The following INVS variants were observed in gnomAD, a reference collection of about 807,000 sequenced individuals.
INVS encodes the protein inversin, also known as inversion of embryo turning homolog.
INVS carries 86 observed loss-of-function variants against 108.8 expected under a neutral mutation model. The ratio of observed to expected loss-of-function variants is 0.79; its 90% CI spans 0.66 to 0.95. The LOEUF (loss-of-function observed/expected upper bound fraction) is 0.95, where lower values mean the gene tolerates loss of function less well. INVS is among the 40% of genes least tolerant of loss of function. INVS has a pLI of 0.00. For synonymous variants in INVS, 455 were observed against 473.5 expected (o/e 0.96, Z 0.51); for missense variants, 1,169 against 1,297.4 (o/e 0.90, Z 1.52).
chr9:100,103,054 T>C (rs1016355777), intron 1 of INVS, among the ~76,000 whole-genome samples: 3 of 152,208 alleles, frequency 2.0e-5, no homozygotes, highest in Non-Finnish European at 4.4e-5. Flanking sequence ...AGTTTCGCCA[T>C]GTTGGCCACG....
intron 2 of INVS, chr9:100,117,265 C>T: frequency 1.3e-6 from 1 of 765,144 alleles, no homozygotes; most frequent in South Asian, 1.5e-5. Context: ...ACGCTTTGAA[C>T]CTGGTGCTCT....
intron 3 of INVS, among the ~76,000 whole-genome samples, chr9:100,148,021 A>C (rs1340452546): frequency 2.3e-5 from 2 of 88,854 alleles, no homozygotes; most frequent in South Asian, 2.5e-4. Flanking sequence ...CTGTCTCTAC[A>C]AAAAAAAAAA....
intron 3 of INVS, among the ~76,000 whole-genome samples, chr9:100,156,477 G>T (rs554487154): frequency 6.6e-6 from 1 of 151,722 alleles, no homozygotes; most frequent in East Asian, 1.9e-4. Flanking sequence ...TGCCCAAAGT[G>T]GTCTCTAATT....
chr9:100,187,645 G>A (rs1830094838), intron 3 of INVS, among the ~76,000 whole-genome samples: 1 of 149,980 alleles, frequency 6.7e-6, no homozygotes, highest in Non-Finnish European at 1.5e-5. Flanking sequence ...TCCTGCCTCA[G>A]CCTCCTGAGT....
intron 3 of INVS, chr9:100,131,771 C>A (rs1312399647): frequency 1.0e-5 from 3 of 290,840 alleles, no homozygotes; most frequent in Non-Finnish European, 1.5e-5. Context: ...ACAGTAAACA[C>A]AAAAATTAAA....
chr9:100,179,955 C>A (rs988758296), intron 3 of INVS, among the ~76,000 whole-genome samples: 3 of 152,170 alleles, frequency 2.0e-5, no homozygotes, highest in Non-Finnish European at 4.4e-5. Context: ...GACCACAGTG[C>A]AATCAAATTG....
At chr9:100,226,372 A>C (rs1831321940) in intron 4 of INVS, 137 bp downstream of exon 4, 8 of 689,442 alleles carry the variant, frequency 1.2e-5, no homozygotes, top group Non-Finnish European at 1.9e-5. Context: ...CATACATCTC[A>C]GGGAAGTATT....
At chr9:100,100,851 ATG>A (rs1826896870) in intron 1 of INVS, among the ~76,000 whole-genome samples, 1 of 20,616 alleles carries the variant, frequency 4.9e-5, no homozygotes, top group Non-Finnish European at 7.8e-5. Context: ...TATATAATAT[ATG>A]TATATATAAT....
intron 5 of INVS, among the ~76,000 whole-genome samples, chr9:100,233,668 A>G (rs2118454798): frequency 6.6e-6 from 1 of 152,316 alleles, no homozygotes; most frequent in South Asian, 2.1e-4. Flanking sequence ...GTGATGGATT[A>G]CATTTATTGA....
intron 13 of INVS, 79 bp from the exon 14 acceptor site, chr9:100,292,247 G>A: frequency 1.6e-6 from 2 of 1,281,368 alleles, no homozygotes; most frequent in Non-Finnish European, 1.1e-6. Flanking sequence ...GGCTAAGTCT[G>A]AATATTTTAT....
intron 3 of INVS, among the ~76,000 whole-genome samples, chr9:100,138,216 G>A (rs1828295311): frequency 6.6e-6 from 1 of 152,038 alleles, no homozygotes; most frequent in Non-Finnish European, 1.5e-5. Context: ...GACCAGCCTG[G>A]CCAATGTGGT....
intron 8 of INVS, among the ~76,000 whole-genome samples, chr9:100,250,977 A>G (rs1251064375): frequency 6.6e-6 from 1 of 151,880 alleles, no homozygotes; most frequent in Non-Finnish European, 1.5e-5. Context: ...GTCCTGTACT[A>G]ACTCTTCCCT....
chr9:100,215,629 A>G (rs1409855443), intron 3 of INVS: 5 of 152,240 alleles, frequency 3.3e-5, no homozygotes, highest in Non-Finnish European at 7.3e-5. Context: ...ATTGTTAGGC[A>G]TATCATGGTC....
intron 3 of INVS, among the ~76,000 whole-genome samples, chr9:100,221,807 A>C (rs977498724): frequency 1.3e-5 from 2 of 152,214 alleles, no homozygotes; most frequent in African/African-American, 4.8e-5. Context: ...TGAGAGAGAG[A>C]GACCACATTC....
intron 3 of INVS, among the ~76,000 whole-genome samples, chr9:100,170,888 A>G (rs1280793395): frequency 6.6e-6 from 1 of 152,208 alleles, no homozygotes; most frequent in Non-Finnish European, 1.5e-5. Context: ...GACAAGCTAA[A>G]TGGGTAATGA....
At position 100,292,531 on chromosome 9, in the gene INVS, G is replaced by C. The variant is rs774899621; in HGVS notation, c.2274G>C (p.Glu758Asp). The C allele has an allele frequency of 1.9e-6, 3 of 1,614,210 alleles. No individual in the cohort carries two copies. In the South Asian group the frequency reaches 3.3e-5, roughly 18 times the overall value. ...IRVAGPDEKG[E>D]DSRRAAASLP... Reference sequence around the variant, plus strand: ...TGGCTGGGCCTGATGAGAAAGGAGAGGACTCCAGGCGGGCAGCTGCAAGCC... The same window carrying C: ...TGGCTGGGCCTGATGAGAAAGGAGACGACTCCAGGCGGGCAGCTGCAAGCC... Residue 758 changes from glutamate to aspartate, a missense_variant, in exon 14 of 17, where the codon GAG becomes GAC. Physicochemically the swap from Glu to Asp is conservative, Grantham distance 45. Transcript: ENST00000262457.
Position 100,260,113 on chromosome 9 carries a change from G to A in INVS, c.1465-4709G>A, listed in dbSNP as rs112021869. ...TCTCAAATTCCTGACCTTGTGATCT[G>A]CCTACCTCAGCCTCCCAAAGTGCTA... On this transcript the variant is annotated intron_variant, in intron 10 of 16. Transcript: ENST00000262457. 5.5e-3 allele frequency among the ~76,000 whole-genome samples: 836 copies of A among 150,830 alleles called. 10 individuals carry two copies. Among genetic ancestry groups the A allele is most frequent in the African/African-American group, 0.019 (770 of 41,064 alleles).
At chr9:100,243,446 G>A (rs1459913955) in intron 7 of INVS, among the ~76,000 whole-genome samples, 1 of 152,174 alleles carries the variant, frequency 6.6e-6, no homozygotes, top group Non-Finnish European at 1.5e-5. Flanking sequence ...TACTACTAGT[G>A]TTGATAATTA....
intron 10 of INVS, among the ~76,000 whole-genome samples, chr9:100,261,472 T>C (rs1588130313): frequency 1.3e-5 from 2 of 152,076 alleles, no homozygotes; most frequent in East Asian, 3.9e-4. Context: ...GTTCAACATG[T>C]TAGCCAGGAT....
Sources: gnomAD v4.1 joint callset for allele counts (sites outside exome capture counted in the v4.1 genomes callset) on GRCh38, gnomAD v4.1.1 for gene constraint, MANE v1.5 for transcripts, NCBI Gene and HGNC (gene_info 2026-07-23, HGNC 2026-07-21) for gene names.